The following CTNND2 variants were observed in gnomAD, a reference collection of about 807,000 sequenced individuals.
CTNND2 encodes the protein catenin delta 2, also known as catenin delta-2.
A neutral mutation model predicts 144.4 loss-of-function variants in CTNND2; 22 were observed. That is an observed-to-expected ratio of 0.15 (90% CI 0.11 to 0.22). The LOEUF is 0.22. Ranked by LOEUF, CTNND2 falls within the 10% of genes least tolerant of loss-of-function variation. The pLI is 1.00. For missense variants in CTNND2, 1,353 were observed against 1,618.8 expected (o/e 0.84, Z 2.82); for synonymous variants, 751 against 695.6 (o/e 1.08, Z -1.25).
At chr5:11,811,502 G>A (rs1792331742) in intron 1 of CTNND2, among the ~76,000 whole-genome samples, 1 of 152,070 alleles carries the variant, frequency 6.6e-6, no homozygotes, top group African/African-American at 2.4e-5. Context: ...AATTCTCTTG[G>A]ATAAGGCATG....
intron 9 of CTNND2, among the ~76,000 whole-genome samples, chr5:11,252,468 G>A (rs1743766374): frequency 6.6e-6 from 1 of 152,128 alleles, no homozygotes; most frequent in East Asian, 1.9e-4. Flanking sequence ...TCTACAATAA[G>A]CACTGGCATA....
intron 11 of CTNND2, among the ~76,000 whole-genome samples, chr5:11,189,146 A>G (rs1580535334): frequency 1.3e-5 from 2 of 152,296 alleles, no homozygotes; most frequent in African/African-American, 2.4e-5. Flanking sequence ...ATATGAATCA[A>G]TGGAAATACC....
At chr5:11,586,243 C>G (rs1188870183) in intron 2 of CTNND2, among the ~76,000 whole-genome samples, 1 of 152,166 alleles carries the variant, frequency 6.6e-6, no homozygotes, top group Non-Finnish European at 1.5e-5. Flanking sequence ...TCTCACTGTT[C>G]ATGCTCTCCT....
rs748274265 is a variant in CTNND2, at chr5:11,354,137, T to C, written c.1373-7510A>G. On this transcript the variant is annotated intron_variant, in intron 8 of 21. Transcript: ENST00000304623. The stretch of plus-strand genomic sequence containing the variant: ...CAGATGAGAAGAGATGCATTATTCA[T>C]GTGGTTTCACACGAGGCTCAACAAT... 1.1e-4 allele frequency among the ~76,000 whole-genome samples: 17 copies of C among 152,202 alleles called. 1 individual carries two copies. The highest frequency in any genetic ancestry group is 8.3e-4 in the South Asian group (4 of 4,830).
intron 2 of CTNND2, among the ~76,000 whole-genome samples, chr5:11,634,811 T>A (rs1181046342): frequency 6.6e-6 from 1 of 152,150 alleles, no homozygotes; most frequent in Non-Finnish European, 1.5e-5. Flanking sequence ...CTAGAAAATC[T>A]AGAGTGAAAA....
At chr5:11,828,234 A>C (rs1793701658) in intron 1 of CTNND2, among the ~76,000 whole-genome samples, 1 of 152,212 alleles carries the variant, frequency 6.6e-6, no homozygotes. Flanking sequence ...TGGTTTTAAA[A>C]AGGGGAGTTT....
chr5:11,080,039 CAG>C (rs2149629739), intron 16 of CTNND2, among the ~76,000 whole-genome samples: 1 of 152,202 alleles, frequency 6.6e-6, no homozygotes, highest in East Asian at 1.9e-4. Context: ...AGACAACCTA[CAG>C]ATTGGGAGAA....
At chr5:11,330,837 A>G (rs1753068658) in intron 9 of CTNND2, among the ~76,000 whole-genome samples, 1 of 146,852 alleles carries the variant, frequency 6.8e-6, no homozygotes, top group African/African-American at 2.7e-5. Flanking sequence ...GAGCAAGTCC[A>G]GCCTGTGTGT....
intron 2 of CTNND2, among the ~76,000 whole-genome samples, chr5:11,633,032 A>G (rs1207079472): frequency 6.6e-6 from 1 of 152,204 alleles, no homozygotes; most frequent in Non-Finnish European, 1.5e-5. Context: ...CACGCATGTA[A>G]TGGAAGCGCC....
chr5:11,383,201 T>C (rs1758694642), intron 7 of CTNND2, among the ~76,000 whole-genome samples: 2 of 152,056 alleles, frequency 1.3e-5, no homozygotes, highest in South Asian at 4.2e-4. Context: ...TGAAATGGCC[T>C]CTAGTAGGAC....
intron 3 of CTNND2, among the ~76,000 whole-genome samples, chr5:11,444,784 C>T (rs577961121): frequency 1.4e-4 from 22 of 152,190 alleles, no homozygotes; most frequent in Non-Finnish European, 1.3e-4. Flanking sequence ...CAGTTCTGGG[C>T]ACTTGCTGGC....
chr5:11,351,176 C>T (rs32120), intron 8 of CTNND2, among the ~76,000 whole-genome samples: 33,837 of 151,940 alleles, frequency 0.22, 4,059 homozygotes, highest in South Asian at 0.31. Context: ...AACACTTTTC[C>T]TTATTTGCGT....
At chr5:11,359,190 T>C (rs912649419) in intron 8 of CTNND2, among the ~76,000 whole-genome samples, 1 of 152,250 alleles carries the variant, frequency 6.6e-6, no homozygotes, top group Non-Finnish European at 1.5e-5. Flanking sequence ...CTCCTTATTT[T>C]ATAAGCTCTG....
intron 20 of CTNND2, among the ~76,000 whole-genome samples, chr5:10,985,075 A>AAAATAAATAAATAAAT (rs10599114): frequency 1.3e-4 from 19 of 147,948 alleles, no homozygotes; most frequent in Non-Finnish European, 2.4e-4. Context: ...CTCCGTCTCA[A>AAAATAAATAAATAAAT]AAATAAATAA....
At chr5:10,975,624 C>T (rs773148797) in intron 21 of CTNND2, among the ~76,000 whole-genome samples, 4 of 152,202 alleles carry the variant, frequency 2.6e-5, no homozygotes, top group African/African-American at 4.8e-5. Context: ...GTTCTACCAA[C>T]GTAGTCCAGT....
In CTNND2 at chr5:11,903,304, G is replaced by A; in HGVS notation, c.37+513C>T. The A allele has an allele frequency of 5.1e-6, 5 of 985,774 alleles. No homozygotes were observed. Among genetic ancestry groups the A allele is most frequent in the Non-Finnish European group, 6.0e-6 (5 of 830,216 alleles). The allele number at this position is 985,774 out of a possible 1,614,324, so 61.1% of individuals were successfully genotyped here. ...TATAGACCAAGGGGGCTCAGGGTCTGGCAAGCCGCGGGAGCCTGAAGACAC... is the reference window on the plus strand; with the variant it reads ...TATAGACCAAGGGGGCTCAGGGTCTAGCAAGCCGCGGGAGCCTGAAGACAC... On this transcript the variant is annotated intron_variant, in intron 1 of 21. Transcript: ENST00000304623. This position sits in a 1 kb window ranked among gnomAD's most constrained non-coding sequence, Gnocchi z 5.4.
intron 1 of CTNND2, among the ~76,000 whole-genome samples, chr5:11,896,353 C>A (rs1247108354): frequency 6.6e-6 from 1 of 152,102 alleles, no homozygotes; most frequent in African/African-American, 2.4e-5. Flanking sequence ...ATGGTCATTT[C>A]TGGGGCTTGC....
chr5:11,849,134 C>T (rs903804658), intron 1 of CTNND2, among the ~76,000 whole-genome samples: 28 of 152,024 alleles, frequency 1.8e-4, no homozygotes, highest in African/African-American at 6.5e-4. Context: ...GGAGGGCTCA[C>T]AATCATGGCA....
chr5:11,132,064 G>A lies in CTNND2; in HGVS notation c.2160-14497C>T, dbSNP rs987574112. Among the ~76,000 whole-genome samples the A allele has an allele frequency of 3.9e-5, 6 of 152,174 alleles. 1 individual carries two copies. The highest frequency in any genetic ancestry group is 1.3e-4 in the Admixed American group (2 of 15,272). On this transcript the variant is annotated intron_variant, in intron 12 of 21. Transcript: ENST00000304623. ...TAACCATCATCAAAAAACTGAAAGA[G>A]GCAAAGAACTGCATATACTCTCACA...
Sources: allele counts gnomAD v4.1 joint callset (sites outside exome capture counted in the v4.1 genomes callset), GRCh38; gene constraint gnomAD v4.1.1; non-coding constraint Gnocchi (gnomAD v3.1); transcripts MANE v1.5; gene names NCBI Gene and HGNC (gene_info 2026-07-23, HGNC 2026-07-21).